Variants in CEP85L observed in about 807,000 individuals in gnomAD.
CEP85L encodes the protein centrosomal protein of 85 kDa-like.
Under a neutral mutation model 100.3 loss-of-function variants are expected in CEP85L, and 60 were observed. That is an observed-to-expected ratio of 0.60 (90% confidence interval 0.49 to 0.74). The LOEUF (loss-of-function observed/expected upper bound fraction) is 0.74, where lower values mean the gene tolerates loss of function less well. Among genes scored for constraint, CEP85L ranks in the 30% least tolerant of loss-of-function variants. CEP85L has a pLI of 0.00. For missense variants in CEP85L, 973 were observed against 936.2 expected, an observed-to-expected ratio of 1.04 and a Z score of -0.51; for synonymous variants, 319 against 322.7, an observed-to-expected ratio of 0.99 and a Z score of 0.12.
intron 1 of CEP85L, among the ~76,000 whole-genome samples, chr6:118,675,741 A>G (rs1000507375): frequency 6.6e-6 from 1 of 152,200 alleles, no homozygotes; most frequent in African/African-American, 2.4e-5. Context: ...AAGGCAACCC[A>G]GTAAGACCCT....
At chr6:118,485,832 T>A (rs1190156759) in intron 6 of CEP85L, among the ~76,000 whole-genome samples, 1 of 152,240 alleles carries the variant, frequency 6.6e-6, no homozygotes, top group African/African-American at 2.4e-5. Flanking sequence ...AATGACCCTG[T>A]ACATTACAGA....
chr6:118,651,675 G>A (rs1474414981), upstream of CEP85L: 3 of 952,246 alleles, frequency 3.2e-6, no homozygotes, highest in East Asian at 1.2e-4. Context: ...GGCGTGCGCG[G>A]CGCCGCGCGG....
In CEP85L at chr6:118,502,911, G is replaced by A. The variant is rs535549775; in HGVS notation, c.1257+8387C>T. 8.3e-4 allele frequency: 399 copies of A among 478,828 alleles called. 2 individuals carry two copies. Among genetic ancestry groups the A allele is most frequent in the South Asian group, 1.7e-3 (74 of 43,512 alleles). The allele number at this position is 478,828 out of a possible 1,614,324, so 29.7% of individuals were successfully genotyped here. ...GATCTTGAAGAACCTAAAAAGACAC[G>A]GAGTGGACCTAGTGGGAGTTGAGGC... On this transcript the variant is annotated intron_variant, in intron 5 of 12. Transcript: ENST00000368491.
intron 3 of CEP85L, among the ~76,000 whole-genome samples, chr6:118,528,986 C>CA (rs1298500362): frequency 1.3e-5 from 2 of 152,108 alleles, no homozygotes; most frequent in Non-Finnish European, 2.9e-5. Context: ...CCAGTCTTGA[C>CA]AGAGCTAAAA....
chr6:118,523,480 C>T (rs1159823408), intron 4 of CEP85L, among the ~76,000 whole-genome samples: 2 of 152,168 alleles, frequency 1.3e-5, no homozygotes, highest in Non-Finnish European at 2.9e-5. Context: ...GGTTAAAACA[C>T]GAAGACATTA....
intron 3 of CEP85L, among the ~76,000 whole-genome samples, chr6:118,533,453 T>C (rs555321813): frequency 2.2e-5 from 3 of 137,184 alleles, no homozygotes; most frequent in African/African-American, 5.5e-5. Context: ...ATTAGAGTAA[T>C]TGAATTTATA....
At chr6:118,577,081 G>GC (rs1780283891) in intron 2 of CEP85L, among the ~76,000 whole-genome samples, 1 of 152,144 alleles carries the variant, frequency 6.6e-6, no homozygotes, top group Non-Finnish European at 1.5e-5. Flanking sequence ...GAAGTGAAAA[G>GC]CCCTGCAGGT....
intron 5 of CEP85L, among the ~76,000 whole-genome samples, chr6:118,497,304 T>C (rs1277625210): frequency 6.6e-6 from 1 of 152,168 alleles, no homozygotes; most frequent in African/African-American, 2.4e-5. Flanking sequence ...CATATCTTTG[T>C]GAAGCAGGGT....
intron 2 of CEP85L, among the ~76,000 whole-genome samples, chr6:118,618,567 G>T (rs147961282): frequency 6.6e-6 from 1 of 152,092 alleles, no homozygotes; most frequent in African/African-American, 2.4e-5. Context: ...GTATGGGTAC[G>T]GCCCTTAGAG....
intron 2 of CEP85L, among the ~76,000 whole-genome samples, chr6:118,612,676 C>G (rs181741387): frequency 4.6e-4 from 36 of 77,434 alleles, no homozygotes; most frequent in African/African-American, 1.0e-3. Flanking sequence ...AAAAAAAAAG[C>G]GGGGGGGGGG....
intron 6 of CEP85L, among the ~76,000 whole-genome samples, chr6:118,484,739 A>G (rs1197571886): frequency 6.8e-5 from 10 of 147,510 alleles, no homozygotes; most frequent in Non-Finnish European, 9.0e-5. Flanking sequence ...TAAGAGAGGA[A>G]GATACTACAA....
At chr6:118,508,143 A>T (rs545983124) in intron 5 of CEP85L, among the ~76,000 whole-genome samples, 1 of 152,270 alleles carries the variant, frequency 6.6e-6, no homozygotes, top group East Asian at 1.9e-4. Flanking sequence ...TAGATGTTTA[A>T]TGTTTTGTTG....
chr6:118,591,490 T>C (rs1420054727), intron 2 of CEP85L, among the ~76,000 whole-genome samples: 5 of 152,176 alleles, frequency 3.3e-5, no homozygotes, highest in Non-Finnish European at 7.3e-5. Flanking sequence ...GACAGGTCAC[T>C]TTCCACAACC....
At chr6:118,625,767 T>C (rs1052415106) in intron 2 of CEP85L, among the ~76,000 whole-genome samples, 8 of 152,190 alleles carry the variant, frequency 5.3e-5, no homozygotes, top group Admixed American at 1.3e-4. Flanking sequence ...AATGAGTACC[T>C]TGGCTTCTCC....
intron 1 of CEP85L, among the ~76,000 whole-genome samples, chr6:118,642,640 A>G (rs1368832627): frequency 6.6e-6 from 1 of 152,194 alleles, no homozygotes; most frequent in African/African-American, 2.4e-5. Flanking sequence ...TGGGTTGGGC[A>G]CGGTGGTTCA....
At chr6:118,590,243 T>TA (rs1305797692) in intron 2 of CEP85L, among the ~76,000 whole-genome samples, 10 of 152,212 alleles carry the variant, frequency 6.6e-5, no homozygotes, top group African/African-American at 2.4e-4. Flanking sequence ...TTTACAAACT[T>TA]AAAAAAACAG....
At chr6:118,542,912 A>C (rs182743436) in intron 3 of CEP85L, among the ~76,000 whole-genome samples, 8 of 122,362 alleles carry the variant, frequency 6.5e-5, no homozygotes, top group African/African-American at 1.3e-4. Flanking sequence ...AAAAAAAAAA[A>C]AAAAAAAAAA....
chr6:118,648,801 G>C (rs1358358557), intron 1 of CEP85L, among the ~76,000 whole-genome samples: 1 of 149,568 alleles, frequency 6.7e-6, no homozygotes, highest in Non-Finnish European at 1.5e-5. Flanking sequence ...CTTTAGTCTA[G>C]TTATATATTT....
intron 2 of CEP85L, among the ~76,000 whole-genome samples, chr6:118,610,305 C>A (rs952973976): frequency 1.3e-5 from 2 of 152,092 alleles, no homozygotes; most frequent in Admixed American, 6.5e-5. Flanking sequence ...AAGTGGGGTA[C>A]CTAGACTTCT....
Sources: gnomAD v4.1 joint callset for allele counts (sites outside exome capture counted in the v4.1 genomes callset) on GRCh38, gnomAD v4.1.1 for gene constraint, MANE v1.5 for transcripts, NCBI Gene and HGNC (gene_info 2026-07-23, HGNC 2026-07-21) for gene names.